RNF185: variants seen among roughly 807,000 people sequenced by gnomAD.
RNF185 encodes E3 ubiquitin-protein ligase RNF185.
RNF185 carries 13 observed loss-of-function variants against 24.9 expected under a neutral mutation model. The observed-to-expected ratio is 0.52, with a 90% CI of 0.34 to 0.83. RNF185 has a LOEUF of 0.83. RNF185 is among the 40% of genes least tolerant of loss of function. The pLI is 0.01. For synonymous variants in RNF185, 79 were observed against 90.3 expected (o/e 0.88, Z 0.71); for missense variants, 184 against 244.7 (o/e 0.75, Z 1.65).
At chr22:31,181,111 G>A (rs2048032219) in intron 1 of RNF185, among the ~76,000 whole-genome samples, 1 of 152,080 alleles carries the variant, frequency 6.6e-6, no homozygotes. Context: ...TCACTGGGAG[G>A]CTGAGGCAGG....
intron 2 of RNF185, among the ~76,000 whole-genome samples, chr22:31,189,280 CTTTTTTTTTTTT>C (rs1050842065): frequency 4.9e-5 from 3 of 61,518 alleles, no homozygotes; most frequent in Non-Finnish European, 8.5e-5. Flanking sequence ...TGTTGTATAT[CTTTTTTTTTTTT>C]TTTTTTTTTT....
chr22:31,165,782 C>G (rs567988811), intron 1 of RNF185, among the ~76,000 whole-genome samples: 2 of 152,262 alleles, frequency 1.3e-5, no homozygotes, highest in South Asian at 4.1e-4. Flanking sequence ...GGGTGCCACT[C>G]TGCTGTATGT....
At chr22:31,170,901 A>G (rs994586990) in intron 1 of RNF185, among the ~76,000 whole-genome samples, 7 of 151,928 alleles carry the variant, frequency 4.6e-5, no homozygotes, top group African/African-American at 7.3e-5. Context: ...TCCTCAAGCA[A>G]TCCTCCTGCC....
chr22:31,192,600 G>A, intron 2 of RNF185, 84 bp from the exon 3 acceptor site: 2 of 1,164,158 alleles, frequency 1.7e-6, no homozygotes, highest in East Asian at 2.3e-5. Flanking sequence ...CACCCATCAA[G>A]TGTTTCTGCT....
chr22:31,179,403 TAGG>T (rs1434670036), intron 1 of RNF185, among the ~76,000 whole-genome samples: 2 of 152,106 alleles, frequency 1.3e-5, no homozygotes. Context: ...TGCATAGGTG[TAGG>T]AGAAGGTGAG....
rs1449164640 is a variant in RNF185, at chr22:31,205,560, G to A, written c.*974G>A. The A allele has an allele frequency of 6.6e-6, 1 of 152,240 alleles. No individual in the cohort carries two copies. The highest frequency in any genetic ancestry group is 1.5e-5 in the Non-Finnish European group (1 of 68,006). The allele number at this position is 152,240 out of a possible 1,614,324, so 9.4% of individuals were successfully genotyped here. On this transcript the variant is annotated 3_prime_UTR_variant, in exon 7 of 7. Coordinates refer to ENST00000326132, the MANE Select transcript of RNF185 (RefSeq NM_152267.4). ...CCCAGAACCTGCCACAGGAAACTGG[G>A]GGCTTTGTCAGGTCAGCCCAACTGC...
intron 2 of RNF185, among the ~76,000 whole-genome samples, chr22:31,191,840 A>AG (rs1022265009): frequency 1.4e-4 from 22 of 151,970 alleles, no homozygotes; most frequent in Middle Eastern, 6.8e-3. Flanking sequence ...AAAAAAAAAA[A>AG]AAAAAAAGTG....
intron 6 of RNF185, among the ~76,000 whole-genome samples, chr22:31,203,995 C>G (rs561622529): frequency 2.7e-5 from 4 of 147,878 alleles, no homozygotes; most frequent in African/African-American, 1.0e-4. Flanking sequence ...GAGCCGAGAT[C>G]GTGCCATTGC....
rs1044340975 is a variant in RNF185, at chr22:31,205,418, A to G, written c.*832A>G. The G allele has an allele frequency of 6.1e-6, 1 of 162,726 alleles. No individual in the cohort carries two copies. The highest frequency in any genetic ancestry group is 6.5e-5 in the Admixed American group (1 of 15,286). The allele number at this position is 162,726 out of a possible 1,614,324, so 10.1% of individuals were successfully genotyped here. ...AATACTGCCGAAGCTGAGACTGACT[A>G]CTGTGCATTAGGAAAGACCTGGAGT... On this transcript the variant is annotated 3_prime_UTR_variant, in exon 7 of 7. Coordinates refer to ENST00000326132, the MANE Select transcript of RNF185 (RefSeq NM_152267.4).
intron 1 of RNF185, among the ~76,000 whole-genome samples, chr22:31,178,862 A>G (rs12106582): frequency 0.085 from 13,009 of 152,220 alleles, 846 homozygotes; most frequent in East Asian, 0.4. Flanking sequence ...GGAAGACAAA[A>G]ACCAGGTATT....
intron 2 of RNF185, among the ~76,000 whole-genome samples, chr22:31,191,822 C>T (rs940612851): frequency 6.9e-5 from 8 of 115,818 alleles, no homozygotes; most frequent in African/African-American, 2.6e-4. Context: ...AACAAAACTT[C>T]GTCTCAAAAA....
intron 1 of RNF185, among the ~76,000 whole-genome samples, chr22:31,165,586 T>C (rs1312567492): frequency 1.3e-5 from 2 of 152,226 alleles, no homozygotes; most frequent in Non-Finnish European, 2.9e-5. Flanking sequence ...GATTTGGACA[T>C]ACTAAAGCAC....
chr22:31,195,395 T>G, intron 3 of RNF185, 74 bp from the exon 4 acceptor site: 1 of 980,266 alleles, frequency 1.0e-6, no homozygotes, highest in Non-Finnish European at 1.5e-6. Flanking sequence ...TGGCCTGTGT[T>G]GTTCTGGTGG....
intron 1 of RNF185, among the ~76,000 whole-genome samples, chr22:31,167,744 G>A (rs1238856504): frequency 1.3e-5 from 2 of 149,620 alleles, no homozygotes; most frequent in Non-Finnish European, 3.0e-5. Context: ...CTCCCAAATA[G>A]CTGGAATTAC....
In RNF185 at chr22:31,206,288, A is replaced by C. The variant is rs1368974424; in HGVS notation, c.*1702A>C. 1 of 152,628 alleles carries C rather than the reference A, an allele frequency of 6.6e-6. No homozygotes were observed. Among genetic ancestry groups the C allele is most frequent in the African/African-American group, 2.4e-5 (1 of 41,444 alleles). 9.5% of individuals were successfully genotyped at this position (152,628 alleles called of 1,614,324 possible). On this transcript the variant is annotated 3_prime_UTR_variant, in exon 7 of 7. Coordinates refer to ENST00000326132, the MANE Select transcript of RNF185 (RefSeq NM_152267.4). ...ATATAAAGTATTGAGTAGGTGGTTC[A>C]TATGCCGAATCCACTTGGTAGGAAG... is the stretch of plus-strand genomic sequence containing the variant.
At chr22:31,165,071 C>T (rs967133986) in intron 1 of RNF185, among the ~76,000 whole-genome samples, 16 of 150,936 alleles carry the variant, frequency 1.1e-4, no homozygotes, top group East Asian at 1.0e-3. Context: ...CCACCACGCC[C>T]GGCTAATTTT....
At chr22:31,183,483 T>C (rs1162100026) in intron 1 of RNF185, among the ~76,000 whole-genome samples, 1 of 152,092 alleles carries the variant, frequency 6.6e-6, no homozygotes, top group Non-Finnish European at 1.5e-5. Context: ...GGTCAGCAGA[T>C]AAACATGTGA....
intron 1 of RNF185, among the ~76,000 whole-genome samples, chr22:31,175,769 T>G (rs1236424367): frequency 1.3e-5 from 2 of 152,260 alleles, no homozygotes; most frequent in East Asian, 3.9e-4. Flanking sequence ...TGTAAACGTG[T>G]TACTTATTAA....
chr22:31,204,369 T>C lies in RNF185; in HGVS notation c.482-120T>C, dbSNP rs577788426. 343 of 672,340 alleles carry C rather than the reference T, an allele frequency of 5.1e-4. No homozygotes were observed. The African/African-American group carries it at 5.1e-3, about 10-fold the overall frequency. The allele number at this position is 672,340 out of a possible 1,614,324, so 41.6% of individuals were successfully genotyped here. A position where few individuals can be genotyped will look rare whatever the true frequency, so the allele number is the denominator to read the frequency against. On this transcript the variant is annotated intron_variant, in intron 6 of 6. Coordinates refer to ENST00000326132, the MANE Select transcript of RNF185 (RefSeq NM_152267.4). The stretch of plus-strand genomic sequence containing the variant: ...AAAAAAAAAAAAAGAAATCTTTTTG[T>C]GTGTAGGATTCTGATGTTGTAAAGA...
Sources: allele counts gnomAD v4.1 joint callset (sites outside exome capture counted in the v4.1 genomes callset), GRCh38; gene constraint gnomAD v4.1.1; transcripts MANE v1.5; gene names NCBI Gene and HGNC (gene_info 2026-07-23, HGNC 2026-07-21).